Variants in RNF150 observed in about 807,000 individuals in gnomAD.
The protein encoded by RNF150 is ring finger protein 150.
A neutral mutation model predicts 39.3 loss-of-function variants in RNF150; 24 were observed. The observed-to-expected ratio is 0.61, with a 90% CI of 0.44 to 0.86. RNF150 has a LOEUF of 0.86. RNF150 is among the 40% of genes least tolerant of loss of function. RNF150 has a pLI of 0.00. For synonymous variants in RNF150, 255 were observed against 227.3 expected, an observed-to-expected ratio of 1.12 and a Z score of -1.10; for missense variants, 502 against 587.8, an observed-to-expected ratio of 0.85 and a Z score of 1.51.
chr4:140,949,825 C>T (rs1322966162), intron 2 of RNF150, among the ~76,000 whole-genome samples: 2 of 152,200 alleles, frequency 1.3e-5, no homozygotes, highest in Non-Finnish European at 2.9e-5. Context: ...TTCCAATCTG[C>T]TCATATAGGC....
At chr4:141,116,873 C>T (rs754902683) in intron 1 of RNF150, among the ~76,000 whole-genome samples, 7 of 152,096 alleles carry the variant, frequency 4.6e-5, no homozygotes, top group South Asian at 2.1e-4. Context: ...CCATTATTCT[C>T]GGCAAACTAA....
At chr4:141,044,770 C>T (rs1324491835) in intron 1 of RNF150, among the ~76,000 whole-genome samples, 4 of 83,288 alleles carry the variant, frequency 4.8e-5, no homozygotes, top group African/African-American at 1.2e-4. Flanking sequence ...GGGTGTGCAG[C>T]GCACACACAC....
intron 6 of RNF150, among the ~76,000 whole-genome samples, chr4:140,879,921 T>C (rs1012742215): frequency 6.6e-6 from 1 of 152,232 alleles, no homozygotes; most frequent in Non-Finnish European, 1.5e-5. Context: ...TTTCTACATA[T>C]AAGATCATGT....
At chr4:141,145,962 G>A (rs1159114345) in intron 1 of RNF150, among the ~76,000 whole-genome samples, 1 of 152,176 alleles carries the variant, frequency 6.6e-6, no homozygotes, top group Non-Finnish European at 1.5e-5. Flanking sequence ...CTGGAGTCAA[G>A]CATGTTCAGT....
chr4:140,901,399 G>C (rs1477334673), intron 6 of RNF150, among the ~76,000 whole-genome samples: 2 of 152,258 alleles, frequency 1.3e-5, no homozygotes, highest in East Asian at 1.9e-4. Flanking sequence ...TTTCACACAG[G>C]GGTAGGGTCA....
chr4:141,183,908 T>G (rs1264802707), intron 1 of RNF150, among the ~76,000 whole-genome samples: 1 of 152,232 alleles, frequency 6.6e-6, no homozygotes, highest in Non-Finnish European at 1.5e-5. Flanking sequence ...AGTCTATCAT[T>G]GATGGGCATT....
chr4:141,112,565 C>T (rs1050701743), intron 1 of RNF150, among the ~76,000 whole-genome samples: 1 of 152,180 alleles, frequency 6.6e-6, no homozygotes, highest in Non-Finnish European at 1.5e-5. Context: ...CCACTCTCTT[C>T]TGGTTGTAGG....
At chr4:140,992,201 G>C (rs1435029605) in intron 1 of RNF150, among the ~76,000 whole-genome samples, 9 of 151,914 alleles carry the variant, frequency 5.9e-5, no homozygotes, top group African/African-American at 2.2e-4. Flanking sequence ...GGGATAATTA[G>C]ATAAAGAGTT....
At chr4:141,193,076 T>G (rs1322085621) in intron 1 of RNF150, among the ~76,000 whole-genome samples, 1 of 152,240 alleles carries the variant, frequency 6.6e-6, no homozygotes. Flanking sequence ...TTAGTTTTCT[T>G]CTTAGCACTT....
chr4:141,198,010 T>C (rs1728230318), intron 1 of RNF150, among the ~76,000 whole-genome samples: 1 of 151,814 alleles, frequency 6.6e-6, no homozygotes, highest in South Asian at 2.1e-4. Flanking sequence ...CTACGAACTA[T>C]CTTGCAAAGT....
chr4:140,995,012 A>G (rs1734317847), intron 1 of RNF150, among the ~76,000 whole-genome samples: 1 of 152,152 alleles, frequency 6.6e-6, no homozygotes, highest in Non-Finnish European at 1.5e-5. Context: ...CTATTTTATT[A>G]ATTTTTAAAT....
At chr4:141,146,157 G>A (rs1357646235) in intron 1 of RNF150, among the ~76,000 whole-genome samples, 2 of 152,208 alleles carry the variant, frequency 1.3e-5, no homozygotes, top group Admixed American at 1.3e-4. Context: ...ATGGATACAT[G>A]TTTAATAAAT....
chr4:141,052,590 G>T (rs1424442549), intron 1 of RNF150, among the ~76,000 whole-genome samples: 1 of 152,118 alleles, frequency 6.6e-6, no homozygotes, highest in Non-Finnish European at 1.5e-5. Flanking sequence ...TGGCCAGGCT[G>T]GTCTTGGACT....
At chr4:141,011,791 T>A (rs1469263292) in intron 1 of RNF150, among the ~76,000 whole-genome samples, 2 of 152,218 alleles carry the variant, frequency 1.3e-5, no homozygotes, top group African/African-American at 4.8e-5. Flanking sequence ...AGATTAATAG[T>A]CACAAATTAG....
intron 2 of RNF150, among the ~76,000 whole-genome samples, chr4:140,956,166 C>T (rs186606315): frequency 1.1e-4 from 16 of 152,224 alleles, no homozygotes; most frequent in African/African-American, 3.9e-4. Flanking sequence ...AGACCCAGTC[C>T]TTGTGTCTGA....
At chr4:140,886,945 G>T (rs12499698) in intron 6 of RNF150, among the ~76,000 whole-genome samples, 1 of 152,142 alleles carries the variant, frequency 6.6e-6, no homozygotes, top group South Asian at 2.1e-4. Flanking sequence ...TTTACATAGA[G>T]ATCTATGACT....
At chr4:140,942,991 G>T (rs1055229537) in intron 4 of RNF150, among the ~76,000 whole-genome samples, 4 of 152,168 alleles carry the variant, frequency 2.6e-5, no homozygotes, top group African/African-American at 9.7e-5. Context: ...AGTGGGGCAG[G>T]ATGGTGAAAT....
At chr4:140,934,459 A>AG (rs1181577722) in intron 4 of RNF150, among the ~76,000 whole-genome samples, 1 of 152,186 alleles carries the variant, frequency 6.6e-6, no homozygotes, top group Non-Finnish European at 1.5e-5. Context: ...AGAGCAAAAA[A>AG]GAAAAAAAAA....
chr4:140,975,783 C>A (rs1733640598), intron 1 of RNF150, among the ~76,000 whole-genome samples: 1 of 152,152 alleles, frequency 6.6e-6, no homozygotes. Context: ...CAAGAAACAA[C>A]CAATGAGGCT....
Sources: gnomAD v4.1 joint callset for allele counts (sites outside exome capture counted in the v4.1 genomes callset) on GRCh38, gnomAD v4.1.1 for gene constraint, MANE v1.5 for transcripts, NCBI Gene and HGNC (gene_info 2026-07-23, HGNC 2026-07-21) for gene names.